The following TTBK2 variants were observed in gnomAD, a reference collection of about 807,000 sequenced individuals.
The protein encoded by TTBK2 is tau tubulin kinase 2, also known as tau-tubulin kinase 2.
A neutral mutation model predicts 110.8 loss-of-function variants in TTBK2; 28 were observed. The observed-to-expected ratio is 0.25, with a 90% confidence interval of 0.19 to 0.35. TTBK2 has a LOEUF of 0.35. Ranked by LOEUF, TTBK2 falls within the 10% of genes least tolerant of loss-of-function variation. The pLI, the probability that TTBK2 is intolerant of heterozygous loss-of-function variation, is 1.00. For missense variants in TTBK2, 1,369 were observed against 1,500.3 expected (o/e 0.91, Z 1.45); for synonymous variants, 532 against 527.3 (o/e 1.01, Z -0.12).
intron 3 of TTBK2, among the ~76,000 whole-genome samples, chr15:42,843,904 G>A (rs1044501855): frequency 1.1e-4 from 16 of 152,054 alleles, no homozygotes; most frequent in Non-Finnish European, 1.8e-4. Context: ...CCCAGGGAAT[G>A]ACTCAGCACA....
chr15:42,772,331 C>T (rs765734251), intron 13 of TTBK2, among the ~76,000 whole-genome samples: 1 of 152,142 alleles, frequency 6.6e-6, no homozygotes, highest in Non-Finnish European at 1.5e-5. Flanking sequence ...CTCTGGCTAA[C>T]AGCCAGTAAG....
At chr15:42,903,653 T>C (rs1296967473) in intron 1 of TTBK2, among the ~76,000 whole-genome samples, 1 of 152,200 alleles carries the variant, frequency 6.6e-6, no homozygotes, top group Admixed American at 6.5e-5. Context: ...CCAGGAATTC[T>C]ATAAGACACC....
chr15:42,870,565 T>TA (rs967029821), intron 3 of TTBK2, among the ~76,000 whole-genome samples: 75 of 147,324 alleles, frequency 5.1e-4, no homozygotes, highest in African/African-American at 1.0e-3. Flanking sequence ...TTCATCTTGT[T>TA]AAAAAAAAAA....
intron 13 of TTBK2, among the ~76,000 whole-genome samples, chr15:42,763,179 T>C (rs1276114054): frequency 1.1e-3 from 25 of 22,354 alleles, no homozygotes; most frequent in Non-Finnish European, 1.4e-3. Context: ...TATATATATA[T>C]ATATATATAT....
intron 1 of TTBK2, among the ~76,000 whole-genome samples, chr15:42,884,592 C>A (rs952292204): frequency 6.6e-6 from 1 of 152,166 alleles, no homozygotes; most frequent in African/African-American, 2.4e-5. Context: ...CCAGGGGAAC[C>A]AACCCTGTGA....
intron 10 of TTBK2, among the ~76,000 whole-genome samples, chr15:42,788,494 A>T (rs1595910061): frequency 6.6e-6 from 1 of 152,146 alleles, no homozygotes; most frequent in Non-Finnish European, 1.5e-5. Context: ...GTACATTAAC[A>T]TCTCCAACTA....
intron 9 of TTBK2, among the ~76,000 whole-genome samples, chr15:42,798,018 G>A (rs1459665104): frequency 1.3e-5 from 2 of 152,008 alleles, no homozygotes; most frequent in Non-Finnish European, 2.9e-5. Context: ...TGGGTAGCTG[G>A]GACTACAGGC....
At chr15:42,789,638 G>C (rs907180123) in intron 10 of TTBK2, among the ~76,000 whole-genome samples, 3 of 152,110 alleles carry the variant, frequency 2.0e-5, no homozygotes, top group Admixed American at 2.0e-4. Context: ...GGAGTCTGAG[G>C]CAGGAGAATC....
rs80196732 is a variant in TTBK2 at position 42,807,726 on chromosome 15, T to C, written c.822+2888A>G. 4.1e-4 allele frequency among the ~76,000 whole-genome samples: 62 copies of C among 152,226 alleles called. No homozygotes were observed. In the East Asian group the frequency reaches 0.012, roughly 29 times the overall value. On this transcript the variant is annotated intron_variant, in intron 9 of 14. Transcript: ENST00000267890. ...TGCTGAGATTACAAGCATGAACCAC[T>C]GTGCTTGGCCCACTCTGTCTCTTAT...
chr15:42,770,221 C>T (rs994884451), intron 13 of TTBK2, among the ~76,000 whole-genome samples: 3 of 151,902 alleles, frequency 2.0e-5, no homozygotes, highest in Non-Finnish European at 2.9e-5. Flanking sequence ...GTCATGCACA[C>T]GTATCCTAGA....
At chr15:42,906,592 G>A (rs2030413616) in intron 1 of TTBK2, among the ~76,000 whole-genome samples, 1 of 151,952 alleles carries the variant, frequency 6.6e-6, no homozygotes. Context: ...GAAAACACTG[G>A]GGAAACACAC....
chr15:42,801,774 G>T, intron 9 of TTBK2: 1 of 818,746 alleles, frequency 1.2e-6, no homozygotes, highest in Non-Finnish European at 2.2e-6. Context: ...GCTCTTTCAG[G>T]GAAGACTCCA....
chr15:42,833,070 G>C (rs190495367), intron 4 of TTBK2, among the ~76,000 whole-genome samples: 185 of 152,062 alleles, frequency 1.2e-3, no homozygotes, highest in Admixed American at 4.5e-3. Flanking sequence ...GAAGGAGGGA[G>C]AGGAGCAGAA....
chr15:42,819,699 C>T (rs367574525), intron 6 of TTBK2, among the ~76,000 whole-genome samples: 1 of 152,162 alleles, frequency 6.6e-6, no homozygotes, highest in Non-Finnish European at 1.5e-5. Flanking sequence ...ACCTAATATT[C>T]TCCATTTGAT....
rs542710598 is a variant in TTBK2 at position 42,832,181 on chromosome 15, CAT to C, written c.292-2105_292-2104del. 8.2e-4 allele frequency among the ~76,000 whole-genome samples: 125 copies of C among 152,274 alleles called. 1 individual carries two copies. The highest frequency in any genetic ancestry group is 2.7e-3 in the African/African-American group (114 of 41,548). On this transcript the variant is annotated intron_variant, in intron 4 of 14. Transcript: ENST00000267890. ...TCTACAGCAGTGAACTGTATAACCA[CAT>C]GAGAGTACCTAATAACTTTTATTAG...
chr15:42,751,928 A>G (rs1485607493), intron 14 of TTBK2, 46 bp downstream of exon 14: 2 of 1,605,724 alleles, frequency 1.2e-6, no homozygotes, highest in South Asian at 1.1e-5. Context: ...AAGCAGATAT[A>G]GAAATGGTGT....
chr15:42,790,093 A>T (rs995683600), intron 10 of TTBK2, among the ~76,000 whole-genome samples: 43 of 152,292 alleles, frequency 2.8e-4, no homozygotes, highest in Admixed American at 1.1e-3. Flanking sequence ...GTGCAAAGGA[A>T]TTGGACCCCT....
intron 3 of TTBK2, among the ~76,000 whole-genome samples, chr15:42,867,101 G>A (rs977726482): frequency 5.9e-5 from 9 of 151,822 alleles, no homozygotes; most frequent in South Asian, 4.2e-4. Context: ...AAAATTAGCC[G>A]GGCATGGTGG....
intron 3 of TTBK2, among the ~76,000 whole-genome samples, chr15:42,849,610 G>A (rs1039777137): frequency 4.6e-5 from 7 of 152,124 alleles, no homozygotes; most frequent in Non-Finnish European, 8.8e-5. Flanking sequence ...GCTTTAGCCA[G>A]TAATTGACCA....
Sources: gnomAD v4.1 joint callset for allele counts (sites outside exome capture counted in the v4.1 genomes callset) on GRCh38, gnomAD v4.1.1 for gene constraint, MANE v1.5 for transcripts, NCBI Gene and HGNC (gene_info 2026-07-23, HGNC 2026-07-21) for gene names.